The following SHOC2 variants were observed in gnomAD, a reference collection of about 807,000 sequenced individuals.
The protein encoded by SHOC2 is leucine-rich repeat protein SHOC-2.
A neutral mutation model predicts 50.2 loss-of-function variants in SHOC2; 4 were observed. The observed-to-expected ratio is 0.08, with a 90% CI of 0.04 to 0.18. SHOC2 has a LOEUF of 0.18. Among genes scored for constraint, SHOC2 ranks in the 10% least tolerant of loss-of-function variants. The probability of loss-of-function intolerance (pLI) is 1.00; values close to 1 mark genes in which losing one functional copy is unlikely to be tolerated. For missense variants in SHOC2, 388 were observed against 669.6 expected, an observed-to-expected ratio of 0.58 and a Z score of 4.64; for synonymous variants, 218 against 244.5, an observed-to-expected ratio of 0.89 and a Z score of 1.01.
At chr10:110,941,009 G>T (rs1302278482) in intron 1 of SHOC2, among the ~76,000 whole-genome samples, 2 of 142,656 alleles carry the variant, frequency 1.4e-5, no homozygotes, top group Non-Finnish European at 3.0e-5. Context: ...TCTACTCACT[G>T]CAACCTCCAT....
intron 5 of SHOC2, among the ~76,000 whole-genome samples, chr10:111,006,523 A>G (rs1848470326): frequency 6.6e-6 from 1 of 151,994 alleles, no homozygotes; most frequent in African/African-American, 2.4e-5. Context: ...GGCGCCCGCC[A>G]CTACGCCCGG....
intron 5 of SHOC2, among the ~76,000 whole-genome samples, chr10:111,005,457 C>T (rs1848450199): frequency 6.6e-6 from 1 of 152,066 alleles, no homozygotes; most frequent in African/African-American, 2.4e-5. Context: ...AAGAACACTA[C>T]GTACTAGTTG....
At chr10:110,962,366 T>C (rs1021572156) in intron 1 of SHOC2, among the ~76,000 whole-genome samples, 1 of 152,328 alleles carries the variant, frequency 6.6e-6, no homozygotes. Context: ...TGTATGGTTT[T>C]AGTAAATGTA....
chr10:110,985,913 C>G, intron 3 of SHOC2, 148 bp downstream of exon 3: 2 of 678,538 alleles, frequency 2.9e-6, no homozygotes, highest in Non-Finnish European at 5.0e-6. Context: ...ATTTTAAAAT[C>G]ATTTTTCATT....
intron 3 of SHOC2, among the ~76,000 whole-genome samples, chr10:110,998,877 A>G (rs958583135): frequency 6.6e-6 from 1 of 152,220 alleles, no homozygotes; most frequent in Non-Finnish European, 1.5e-5. Context: ...TTGATGACCA[A>G]ATAAGGATCA....
chr10:110,978,217 C>T (rs1366377341), intron 2 of SHOC2, among the ~76,000 whole-genome samples: 1 of 152,198 alleles, frequency 6.6e-6, no homozygotes, highest in Admixed American at 6.5e-5. Context: ...CTGTTGTCTG[C>T]AGTCTGCAAA....
At chr10:110,932,998 A>G (rs1235073101) in intron 1 of SHOC2, among the ~76,000 whole-genome samples, 1 of 152,184 alleles carries the variant, frequency 6.6e-6, no homozygotes, top group Non-Finnish European at 1.5e-5. Context: ...GTACTTCTGA[A>G]TGCCACTTGT....
chr10:110,956,622 T>G (rs993824185), intron 1 of SHOC2, among the ~76,000 whole-genome samples: 4 of 152,236 alleles, frequency 2.6e-5, no homozygotes, highest in Non-Finnish European at 4.4e-5. Context: ...TTAAGACTTT[T>G]CCAGTTTGAA....
At chr10:110,965,706 C>G (rs565150102) in intron 2 of SHOC2, among the ~76,000 whole-genome samples, 1 of 152,134 alleles carries the variant, frequency 6.6e-6, no homozygotes, top group South Asian at 2.1e-4. Flanking sequence ...ATAAAGCTAA[C>G]TTGTACTAAA....
chr10:110,948,044 G>A (rs1015513876), intron 1 of SHOC2, among the ~76,000 whole-genome samples: 4 of 152,062 alleles, frequency 2.6e-5, no homozygotes, highest in African/African-American at 4.8e-5. Flanking sequence ...GATATTTCAC[G>A]CAAATGGTAA....
chr10:110,936,937 C>T lies in SHOC2; in HGVS notation c.-235+17280C>T, dbSNP rs777141650. The T allele has an allele frequency of 9.2e-6, 13 of 1,420,108 alleles. No individual in the cohort carries two copies. The African/African-American group carries it at 1.7e-4, about 19-fold the overall frequency. 88.0% of individuals were successfully genotyped at this position (1,420,108 alleles called of 1,614,324 possible). On this transcript the variant is annotated intron_variant, in intron 1 of 8. Coordinates refer to ENST00000369452, the MANE Select transcript of SHOC2 (RefSeq NM_007373.4). ...TGCAGTCAAACACCTTGAGGCGGTC[C>T]AGAGCGGCCTGGCCTCGCTTGGTCT...
intron 1 of SHOC2, among the ~76,000 whole-genome samples, chr10:110,930,735 C>CTTTTTTTTTTTTTTTTTTTTTTTTTT (rs772553111): frequency 3.1e-5 from 3 of 96,812 alleles, no homozygotes; most frequent in East Asian, 3.8e-4. Flanking sequence ...ACGAGTAAAT[C>CTTTTTTTTTTTTTTTTTTTTTTTTTT]TTTTTTTTTT....
intron 5 of SHOC2, among the ~76,000 whole-genome samples, chr10:111,006,023 C>G (rs1463499926): frequency 6.6e-6 from 1 of 151,890 alleles, no homozygotes; most frequent in African/African-American, 2.4e-5. Context: ...TCTTGTTAAT[C>G]AGTCTGGTTA....
chr10:110,949,865 T>C (rs1847317415), intron 1 of SHOC2, among the ~76,000 whole-genome samples: 1 of 152,074 alleles, frequency 6.6e-6, no homozygotes, highest in Non-Finnish European at 1.5e-5. Context: ...GAAAAAACAT[T>C]TGACAAGATT....
At chr10:110,984,356 G>C (rs1356378956) in intron 2 of SHOC2, among the ~76,000 whole-genome samples, 1 of 152,042 alleles carries the variant, frequency 6.6e-6, no homozygotes, top group African/African-American at 2.4e-5. Flanking sequence ...GAGGTTTTTT[G>C]TGGTGGTCTT....
intron 2 of SHOC2, among the ~76,000 whole-genome samples, chr10:110,978,283 G>T (rs1319222949): frequency 6.6e-6 from 1 of 152,164 alleles, no homozygotes; most frequent in Non-Finnish European, 1.5e-5. Context: ...GTAAATAGAA[G>T]ACAGTCTAGT....
chr10:110,937,011 C>T lies in SHOC2; in HGVS notation c.-235+17354C>T, dbSNP rs763131104. 1.8e-5 allele frequency: 26 copies of T among 1,483,846 alleles called. No individual in the cohort carries two copies. In the African/African-American group the frequency reaches 2.4e-4, roughly 13 times the overall value. 91.9% of individuals were successfully genotyped at this position (1,483,846 alleles called of 1,614,324 possible). On this transcript the variant is annotated intron_variant, in intron 1 of 8. Coordinates refer to ENST00000369452, the MANE Select transcript of SHOC2 (RefSeq NM_007373.4). ...GTCAGCCAGAAGATGGGGCTGGGGG[C>T]CCGGAAGTGGTAGGGGCGTCGGAAA...
intron 1 of SHOC2, among the ~76,000 whole-genome samples, chr10:110,931,818 A>G (rs761095754): frequency 2.3e-4 from 35 of 152,318 alleles, no homozygotes; most frequent in South Asian, 1.2e-3. Flanking sequence ...TGTTCTTTCA[A>G]TAAATATAAG....
intron 1 of SHOC2, among the ~76,000 whole-genome samples, chr10:110,960,328 C>A (rs1847547719): frequency 6.6e-6 from 1 of 152,212 alleles, no homozygotes. Context: ...TGGCCCTTTA[C>A]AGAAAAAGTT....
Sources: allele counts gnomAD v4.1 joint callset (sites outside exome capture counted in the v4.1 genomes callset), GRCh38; gene constraint gnomAD v4.1.1; transcripts MANE v1.5; gene names NCBI Gene and HGNC (gene_info 2026-07-23, HGNC 2026-07-21).